SLC38A5: variants seen among roughly 807,000 people sequenced by gnomAD.
SLC38A5 encodes sodium-coupled neutral amino acid transporter 5.
SLC38A5 carries 9 observed loss-of-function variants against 34.6 expected under a neutral mutation model. The ratio of observed to expected loss-of-function variants is 0.26; its 90% CI spans 0.16 to 0.45. The LOEUF (loss-of-function observed/expected upper bound fraction) is 0.45, where lower values mean the gene tolerates loss of function less well. SLC38A5 is among the 20% of genes least tolerant of loss of function. The pLI is 1.00. For synonymous variants in SLC38A5, 157 were observed against 155.6 expected, an observed-to-expected ratio of 1.01 and a Z score of -0.07; for missense variants, 253 against 394.7, an observed-to-expected ratio of 0.64 and a Z score of 3.04.
At chrX:48,460,272 C>G (rs782775933) in intron 14 of SLC38A5, among the ~76,000 whole-genome samples, 32 of 110,775 alleles carry the variant, frequency 2.9e-4, no homozygotes, top group Non-Finnish European at 4.9e-4. Context: ...TTCTGCCTCC[C>G]CATCTGGGAG....
intron 13 of SLC38A5, 23 bp downstream of exon 13, chrX:48,460,963 G>A: frequency 9.4e-6 from 5 of 531,435 alleles, no homozygotes; most frequent in Non-Finnish European, 1.5e-5. Flanking sequence ...CCTCCCCCCA[G>A]CCCTAGCCCC....
chrX:48,467,942 G>T lies in SLC38A5; in HGVS notation c.-1-17C>A, dbSNP rs782012719. The T allele has an allele frequency of 8.4e-7, 1 of 1,197,074 alleles. No homozygotes were observed. Among genetic ancestry groups the T allele is most frequent in the Non-Finnish European group, 1.1e-6 (1 of 886,924 alleles). On this transcript the variant is annotated splice_polypyrimidine_tract_variant and intron_variant, in intron 2 of 16. Transcript: ENST00000620913. ...AGTTCCATCCTGTGGGCAAAGAAAT[G>T]GGGTGGGGGGATCAGAGATGGAACG...
At position 48,461,052 on chromosome X, in the gene SLC38A5, C is replaced by T. The variant is rs140600188; in HGVS notation, c.886G>A (p.Val296Met). 1.2e-4 allele frequency: 140 copies of T among 1,206,668 alleles called. 1 individual carries two copies. The African/African-American group carries it at 2.1e-3, about 18-fold the overall frequency. The change falls in exon 13 of 17, where the codon GTG becomes ATG. Residue 296 changes from valine to methionine, a missense_variant. This residue lies in a region of SLC38A5 where 176 missense variants were observed against 273.0 expected (regional missense o/e 0.64). Coordinates refer to ENST00000620913, the MANE Select transcript of SLC38A5 (RefSeq NM_033518.4). ...ATGCAGAACATGGCCCCAATGGACA[C>T]GTTGGCCACGGCCTGCATCCTGCGC... ...SKRRMQAVAN[V>M]SIGAMFCMYG...
rs782071327 is a variant in SLC38A5, at chrX:48,464,518, G to A, written c.491+1497C>T. Reference sequence around the variant, plus strand: ...CTCAGTTAAAATTGTCAGACTGGCCGGGTGTGGTGGCTCATGCCTATAATC... The same window carrying A: ...CTCAGTTAAAATTGTCAGACTGGCCAGGTGTGGTGGCTCATGCCTATAATC... On this transcript the variant is annotated intron_variant, in intron 8 of 16. Transcript: ENST00000620913. Among the ~76,000 whole-genome samples, 19 of 112,611 alleles carry A rather than the reference G, an allele frequency of 1.7e-4. No individual in the cohort carries two copies. The South Asian group carries it at 4.0e-3, about 24-fold the overall frequency.
At chrX:48,468,885 C>A (rs782436429) in intron 2 of SLC38A5, 3 of 750,815 alleles carry the variant, frequency 4.0e-6, no homozygotes, top group Non-Finnish European at 4.7e-6. Flanking sequence ...CGTGGCCTAC[C>A]GAGTTTCCTG....
chrX:48,462,377 C>A (rs781836222), intron 9 of SLC38A5, 86 bp from the exon 10 acceptor site: 3 of 967,138 alleles, frequency 3.1e-6, no homozygotes, highest in Non-Finnish European at 4.3e-6. Flanking sequence ...GAGGCCTAAG[C>A]GGGTGGATCA....
intron 4 of SLC38A5, chrX:48,467,492 G>T: frequency 2.3e-6 from 1 of 440,465 alleles, no homozygotes; most frequent in Non-Finnish European, 4.0e-6. Context: ...GCCGAAGAGC[G>T]GGTGGGGAGA....
rs1270727899 is a variant in SLC38A5, at chrX:48,462,840, A to G, written c.574+58T>C. 3 of 947,072 alleles carry G rather than the reference A, an allele frequency of 3.2e-6. No individual in the cohort carries two copies. In the African/African-American group the frequency reaches 5.8e-5, roughly 18 times the overall value. 78.0% of individuals were successfully genotyped at this position (947,072 alleles called of 1,213,427 possible). A position where few individuals can be genotyped will look rare whatever the true frequency, so the allele number is the denominator to read the frequency against. ...CTTGAAAATGAATGGGGGTTTTCTC[A>G]GTCTGGCTTCTTCTGTCTAATCCCA... On this transcript the variant is annotated intron_variant, in intron 9 of 16. Coordinates refer to ENST00000620913, the MANE Select transcript of SLC38A5 (RefSeq NM_033518.4).
chrX:48,459,767 C>T lies in SLC38A5; in HGVS notation c.1178G>A (p.Cys393Tyr), dbSNP rs1556961446. 1 of 1,211,593 alleles carries T rather than the reference C, an allele frequency of 8.3e-7. No homozygotes were observed. The highest frequency in any genetic ancestry group is 1.1e-6 in the Non-Finnish European group (1 of 895,447). Reference sequence around the variant, plus strand: ...AAAGATATCCCGGATGGTTGGCACACAGATGACAAGGACATTGACCAAAAC... The same window carrying T: ...AAAGATATCCCGGATGGTTGGCACATAGATGACAAGGACATTGACCAAAAC... ...LLVLVNVLVI[C>Y]VPTIRDIFGV... The change falls in exon 15 of 17, where the codon TGT becomes TAT. Residue 393 changes from cysteine (C) to tyrosine (Y), a missense_variant. Coordinates refer to ENST00000620913, the MANE Select transcript of SLC38A5 (RefSeq NM_033518.4).
chrX:48,467,987 G>A (rs1273826759), intron 2 of SLC38A5, 62 bp from the exon 3 acceptor site: 1 of 1,082,159 alleles, frequency 9.2e-7, no homozygotes, highest in African/African-American at 1.9e-5. Context: ...CAAAGTGAGG[G>A]GAGCTGAAGA....
In SLC38A5 at chrX:48,467,082, A is replaced by G; in HGVS notation, c.130-5T>C. ...AAACGATGTCTTCCCCTCGAACTGC[A>G]CGCAAGGAGCAAAGCCCGGGCACAC... On this transcript the variant is annotated splice_polypyrimidine_tract_variant and splice_region_variant and intron_variant, in intron 4 of 16. Transcript: ENST00000620913. 8.3e-7 allele frequency: 1 copy of G among 1,202,491 alleles called. No individual in the cohort carries two copies.
intron 1 of SLC38A5, chrX:48,469,671 TG>T (rs1300275446): frequency 2.7e-5 from 3 of 110,474 alleles, no homozygotes; most frequent in African/African-American, 1.0e-4. Flanking sequence ...CAGGATGGGA[TG>T]GATGGCAGAA....
Position 48,460,967 on chromosome X carries a change from T to G in SLC38A5, c.952+19A>C. On this transcript the variant is annotated intron_variant, in intron 13 of 16. Transcript: ENST00000620913. ...CAGGCCTTCCCCCTCCCCCCAGCCC[T>G]AGCCCCAGCCCCACTCACTGTAGAA... 10 of 459,235 alleles carry G rather than the reference T, an allele frequency of 2.2e-5. No individual in the cohort carries two copies. The highest frequency in any genetic ancestry group is 3.0e-5 in the African/African-American group (1 of 33,307). 37.8% of individuals were successfully genotyped at this position (459,235 alleles called of 1,213,427 possible). A position where few individuals can be genotyped will look rare whatever the true frequency, so the allele number is the denominator to read the frequency against.
chrX:48,469,616 G>C (rs1376835124), intron 1 of SLC38A5, 180 bp from the exon 2 acceptor site: 4 of 111,659 alleles, frequency 3.6e-5, no homozygotes, highest in African/African-American at 1.3e-4. Flanking sequence ...GCTAGAGAGA[G>C]TGACAGGCAG....
At chrX:48,461,823 A>G in intron 11 of SLC38A5, 26 bp from the exon 12 acceptor site, 1 of 1,194,784 alleles carries the variant, frequency 8.4e-7, no homozygotes, top group Non-Finnish European at 1.1e-6. Flanking sequence ...AGTACATGGG[A>G]TTAGAGCCAA....
At chrX:48,464,519 G>T (rs2061462083) in intron 8 of SLC38A5, among the ~76,000 whole-genome samples, 1 of 112,527 alleles carries the variant, frequency 8.9e-6, no homozygotes, top group South Asian at 3.6e-4. Flanking sequence ...AGACTGGCCG[G>T]GTGTGGTGGC....
At chrX:48,463,971 T>A (rs2061458449) in intron 8 of SLC38A5, among the ~76,000 whole-genome samples, 1 of 110,302 alleles carries the variant, frequency 9.1e-6, no homozygotes, top group Non-Finnish European at 1.9e-5. Context: ...AGAGAGTGAG[T>A]CACGATCGTG....
chrX:48,461,954 C>A, intron 11 of SLC38A5, 53 bp downstream of exon 11: 1 of 1,139,816 alleles, frequency 8.8e-7, no homozygotes, highest in African/African-American at 1.8e-5. Context: ...CACCATATGA[C>A]AGAACCAGAG....
In SLC38A5 at chrX:48,458,566, T is replaced by G; in HGVS notation, c.*367A>C. On this transcript the variant is annotated 3_prime_UTR_variant, in exon 17 of 17. Coordinates refer to ENST00000620913, the MANE Select transcript of SLC38A5 (RefSeq NM_033518.4). ...GAGTGGTAGCTCAACATCTTTATTT[T>G]TCCTCTTTAGCCCGAGGGTAATCCT... 1 of 825,973 alleles carries G rather than the reference T, an allele frequency of 1.2e-6. No individual in the cohort carries two copies. The highest frequency in any genetic ancestry group is 1.5e-6 in the Non-Finnish European group (1 of 684,391). The allele number at this position is 825,973 out of a possible 1,213,427, so 68.1% of individuals were successfully genotyped here.
Sources: allele counts gnomAD v4.1 joint callset (sites outside exome capture counted in the v4.1 genomes callset), GRCh38; gene constraint gnomAD v4.1.1; regional missense constraint gnomAD v4.1.1; transcripts MANE v1.5; gene names NCBI Gene and HGNC (gene_info 2026-07-23, HGNC 2026-07-21).